Variants in ARHGDIB observed in about 807,000 individuals in gnomAD.
ARHGDIB encodes the protein rho GDP-dissociation inhibitor 2.
Under a neutral mutation model 22.6 loss-of-function variants are expected in ARHGDIB, and 20 were observed. The observed-to-expected ratio is 0.88, with a 90% confidence interval of 0.62 to 1.28. ARHGDIB has a LOEUF of 1.28. Ranked by LOEUF, ARHGDIB falls within the 50% of genes most tolerant of loss-of-function variation. The pLI, the probability that ARHGDIB is intolerant of heterozygous loss-of-function variation, is 0.00. For synonymous variants in ARHGDIB, 114 were observed against 96.1 expected (o/e 1.19, Z -1.09); for missense variants, 254 against 245.4 (o/e 1.04, Z -0.23).
intron 1 of ARHGDIB, among the ~76,000 whole-genome samples, chr12:14,959,241 A>G (rs1864361976): frequency 6.6e-6 from 1 of 152,182 alleles, no homozygotes; most frequent in Non-Finnish European, 1.5e-5. Flanking sequence ...CAACATGGAG[A>G]AACCCCGTCT....
At chr12:14,946,608 G>C (rs1864020741) in intron 4 of ARHGDIB, among the ~76,000 whole-genome samples, 1 of 152,170 alleles carries the variant, frequency 6.6e-6, no homozygotes, top group East Asian at 1.9e-4. Flanking sequence ...CCTTTCTGTG[G>C]CCTCCTCCTG....
At chr12:14,958,641 C>A (rs1281123636) in intron 1 of ARHGDIB, among the ~76,000 whole-genome samples, 2 of 152,144 alleles carry the variant, frequency 1.3e-5, no homozygotes, top group Non-Finnish European at 2.9e-5. Context: ...ATTAAGGAAG[C>A]CATTGCCTTC....
Position 14,950,665 on chromosome 12 carries a change from A to T in ARHGDIB, c.48T>A (p.Asp16Glu), listed in dbSNP as rs1488774188. 6 of 1,613,818 alleles carry T rather than the reference A, an allele frequency of 3.7e-6. 1 individual carries two copies. In the South Asian group the frequency reaches 6.6e-5, roughly 18 times the overall value. The change falls in exon 2 of 6, where the codon GAT becomes GAA. Residue 16 changes from aspartate (D) to glutamate (E), a missense_variant. Physicochemically the swap from Asp to Glu is conservative, Grantham distance 45 (BLOSUM62 2). Coordinates refer to ENST00000228945, the MANE Select transcript of ARHGDIB (RefSeq NM_001175.7). Reference protein sequence around the residue: ...PEPHVEEDDDDELDSKLNYKP... With the variant: ...PEPHVEEDDDEELDSKLNYKP... ...TATAATTGAGCTTGCTGTCCAGCTC[A>T]TCATCGTCATCCTCCTCCACATGTG...
At chr12:14,943,730 G>T (rs1040241417) in intron 5 of ARHGDIB, among the ~76,000 whole-genome samples, 1 of 152,078 alleles carries the variant, frequency 6.6e-6, no homozygotes, top group Non-Finnish European at 1.5e-5. Context: ...TTTATTTATA[G>T]GTGGTTAACT....
At chr12:14,955,387 G>A (rs947578183) in intron 1 of ARHGDIB, among the ~76,000 whole-genome samples, 14 of 152,288 alleles carry the variant, frequency 9.2e-5, no homozygotes, top group Middle Eastern at 3.4e-3. Flanking sequence ...CGCAATGCAT[G>A]TATTAACAAG....
chr12:14,947,535 T>G (rs1231860797), intron 4 of ARHGDIB, among the ~76,000 whole-genome samples: 1 of 152,214 alleles, frequency 6.6e-6, no homozygotes, highest in Non-Finnish European at 1.5e-5. Flanking sequence ...AATTTCACCC[T>G]AGATTGAGGT....
At chr12:14,954,186 C>T (rs1004078437) in intron 1 of ARHGDIB, among the ~76,000 whole-genome samples, 10 of 152,074 alleles carry the variant, frequency 6.6e-5, no homozygotes, top group African/African-American at 2.4e-4. Flanking sequence ...CCCATTTTGC[C>T]CAGGCTGGTC....
At chr12:14,943,549 G>A (rs1023675710) in intron 5 of ARHGDIB, among the ~76,000 whole-genome samples, 1 of 152,216 alleles carries the variant, frequency 6.6e-6, no homozygotes, top group Middle Eastern at 3.4e-3. Context: ...TGGACTTTAA[G>A]GATCTTCTAT....
intron 3 of ARHGDIB, 74 bp downstream of exon 3, chr12:14,949,728 A>G: frequency 7.3e-7 from 1 of 1,360,948 alleles, no homozygotes; most frequent in Non-Finnish European, 1.1e-6. Context: ...CTTCTGTTGG[A>G]ACAGGAGACA....
intron 1 of ARHGDIB, 108 bp downstream of exon 1, chr12:14,961,429 C>T (rs1356594287): frequency 1.3e-5 from 2 of 152,140 alleles, no homozygotes; most frequent in African/African-American, 4.8e-5. Context: ...GAAGAACTGC[C>T]CCTCTAAAAA....
rs1023480064 is a variant in ARHGDIB, at chr12:14,948,022, C to T, written c.266-73G>A. The T allele has an allele frequency of 3.1e-5, 42 of 1,347,410 alleles. 1 individual carries two copies. The highest frequency in any genetic ancestry group is 1.4e-4 in the Admixed American group (8 of 57,576). 83.5% of individuals were successfully genotyped at this position (1,347,410 alleles called of 1,614,324 possible). On this transcript the variant is annotated intron_variant, in intron 3 of 5. Transcript: ENST00000228945. Reference sequence around the variant, plus strand: ...AAGTTAATAAATGACTTTTAAGTCCCGGAAAAATTTGTTGGGCCCACGAGG... The same window carrying T: ...AAGTTAATAAATGACTTTTAAGTCCTGGAAAAATTTGTTGGGCCCACGAGG...
At chr12:14,955,516 T>C in intron 1 of ARHGDIB, among the ~76,000 whole-genome samples, 1 of 152,212 alleles carries the variant, frequency 6.6e-6, no homozygotes, top group East Asian at 1.9e-4. Context: ...AAGGTTACTA[T>C]AGTCAAGCAA....
chr12:14,952,277 C>CA (rs3084566), intron 1 of ARHGDIB, among the ~76,000 whole-genome samples: 69,159 of 127,124 alleles, frequency 0.54, 19,144 homozygotes, highest in Non-Finnish European at 0.63. Flanking sequence ...TTAATGGAAC[C>CA]AAAAAAAAAA....
At chr12:14,956,667 T>C (rs746944044) in intron 1 of ARHGDIB, among the ~76,000 whole-genome samples, 1 of 152,158 alleles carries the variant, frequency 6.6e-6, no homozygotes, top group Non-Finnish European at 1.5e-5. Context: ...CCAAAGCACA[T>C]ATCATTTTTT....
intron 1 of ARHGDIB, among the ~76,000 whole-genome samples, chr12:14,952,157 G>C (rs1001438605): frequency 6.6e-6 from 1 of 151,882 alleles, no homozygotes; most frequent in African/African-American, 2.4e-5. Context: ...AAGTCTCCCA[G>C]GAGTGAAGAT....
chr12:14,946,073 C>T (rs1450959838), intron 4 of ARHGDIB, among the ~76,000 whole-genome samples: 1 of 152,204 alleles, frequency 6.6e-6, no homozygotes, highest in Non-Finnish European at 1.5e-5. Context: ...CAGCGCTCTT[C>T]AGTGGGTCCA....
intron 3 of ARHGDIB, among the ~76,000 whole-genome samples, chr12:14,949,546 T>G (rs929214860): frequency 6.6e-6 from 1 of 152,234 alleles, no homozygotes; most frequent in Non-Finnish European, 1.5e-5. Flanking sequence ...TCTCTTACTA[T>G]CATGTGGAGA....
At chr12:14,943,113 C>G (rs981530255) in intron 5 of ARHGDIB, among the ~76,000 whole-genome samples, 8 of 152,144 alleles carry the variant, frequency 5.3e-5, no homozygotes, top group Non-Finnish European at 1.0e-4. Flanking sequence ...GGTGATCCAC[C>G]CGCCTCGGCC....
At chr12:14,943,128 A>G (rs924838354) in intron 5 of ARHGDIB, among the ~76,000 whole-genome samples, 2 of 152,184 alleles carry the variant, frequency 1.3e-5, no homozygotes, top group Non-Finnish European at 2.9e-5. Context: ...TCGGCCTCCC[A>G]AAGTACTGGG....
Sources: gnomAD v4.1 joint callset for allele counts (sites outside exome capture counted in the v4.1 genomes callset) on GRCh38, gnomAD v4.1.1 for gene constraint, MANE v1.5 for transcripts, NCBI Gene and HGNC (gene_info 2026-07-23, HGNC 2026-07-21) for gene names.